Variants in CFAP161 observed in about 807,000 individuals in gnomAD.
CFAP161 encodes the protein cilia and flagella associated protein 161, also known as cilia- and flagella-associated protein 161.
Under a neutral mutation model 29.0 loss-of-function variants are expected in CFAP161, and 25 were observed. That is an observed-to-expected ratio of 0.86 (90% CI 0.63 to 1.20). The LOEUF (loss-of-function observed/expected upper bound fraction) is 1.20, where lower values mean the gene tolerates loss of function less well. Among genes scored for constraint, CFAP161 ranks in the 50% most tolerant of loss-of-function variants. The pLI is 0.00. For synonymous variants in CFAP161, 116 were observed against 137.4 expected (o/e 0.84, Z 1.09); for missense variants, 367 against 371.9 (o/e 0.99, Z 0.11).
At chr15:81,101,855 C>A (rs182465562) in intron 1 of CFAP161, among the ~76,000 whole-genome samples, 1 of 151,986 alleles carries the variant, frequency 6.6e-6, no homozygotes, top group Non-Finnish European at 1.5e-5. Context: ...GCAATGACAT[C>A]CCCCCAAACT....
Position 81,146,831 on chromosome 15 carries a change from A to AATATATATATAT in CFAP161, c.637-986_637-975dup, listed in dbSNP as rs3086710. On this transcript the variant is annotated intron_variant, in intron 5 of 6. Coordinates refer to ENST00000286732, the MANE Select transcript of CFAP161 (RefSeq NM_173528.4). ...TTTGCTCTTAAATAGGATAGCTACAAATATATATATATATATATATATATA... is the reference window on the plus strand; with the variant it reads ...TTTGCTCTTAAATAGGATAGCTACAAATATATATATATATATATATATATATATATATATATA... Among the ~76,000 whole-genome samples, 65 of 70,572 alleles carry AATATATATATAT rather than the reference A, an allele frequency of 9.2e-4. 1 individual carries two copies. Among genetic ancestry groups the AATATATATATAT allele is most frequent in the Non-Finnish European group, 1.5e-3 (43 of 28,026 alleles). 46.3% of individuals were successfully genotyped at this position (70,572 alleles called of 152,430 possible). A position where few individuals can be genotyped will look rare whatever the true frequency, so the allele number is the denominator to read the frequency against.
At chr15:81,114,943 G>A (rs576275728) in intron 1 of CFAP161, among the ~76,000 whole-genome samples, 6 of 152,250 alleles carry the variant, frequency 3.9e-5, no homozygotes, top group South Asian at 4.1e-4. Flanking sequence ...GATTACAGGC[G>A]CAAGGGTTTT....
intron 1 of CFAP161, 49 bp downstream of exon 1, chr15:81,134,447 A>C: frequency 6.5e-7 from 1 of 1,543,670 alleles, no homozygotes; most frequent in African/African-American, 1.4e-5. Flanking sequence ...GAACTCCCAG[A>C]CCCTGCTCTA....
At chr15:81,135,405 T>C in intron 2 of CFAP161, 46 bp downstream of exon 2, 3 of 1,301,464 alleles carry the variant, frequency 2.3e-6, no homozygotes, top group Middle Eastern at 2.1e-4. Flanking sequence ...AGGGTACATG[T>C]GCACAACGTG....
upstream of CFAP161, among the ~76,000 whole-genome samples, chr15:81,132,314 A>T (rs1894722528): frequency 6.6e-6 from 1 of 152,148 alleles, no homozygotes; most frequent in African/African-American, 2.4e-5. Flanking sequence ...AGGTAGTAGG[A>T]TGGCATATTT....
At chr15:81,133,217 ATATATATG>A (rs1398174913), upstream of CFAP161, among the ~76,000 whole-genome samples, 714 of 30,100 alleles carry the variant, frequency 0.024, 46 homozygotes, top group Middle Eastern at 0.091. Context: ...ATATATATAT[ATATATATG>A]TATTTTTTTT....
At chr15:81,115,235 C>T (rs1471939257) in intron 1 of CFAP161, among the ~76,000 whole-genome samples, 5 of 152,144 alleles carry the variant, frequency 3.3e-5, no homozygotes, top group African/African-American at 1.2e-4. Context: ...GCATTAGTGA[C>T]TCCATTTTGA....
At chr15:81,121,797 G>A (rs550292287) in intron 1 of CFAP161, among the ~76,000 whole-genome samples, 1 of 152,228 alleles carries the variant, frequency 6.6e-6, no homozygotes, top group South Asian at 2.1e-4. Flanking sequence ...TTGTTGCACA[G>A]ACTGTTTCAT....
At chr15:81,103,984 A>T (rs2141859268) in intron 1 of CFAP161, among the ~76,000 whole-genome samples, 1 of 146,222 alleles carries the variant, frequency 6.8e-6, no homozygotes. Flanking sequence ...GTGGTATGAG[A>T]GGTGAGGAAA....
At chr15:81,135,171 C>G in intron 1 of CFAP161, 99 bp from the exon 2 acceptor site, 1 of 675,536 alleles carries the variant, frequency 1.5e-6, no homozygotes, top group Non-Finnish European at 2.4e-6. Flanking sequence ...TTTTTGTACT[C>G]AAATTTTGCT....
chr15:81,105,121 ATACCTTTCTCCCCCC>A (rs1413444928), intron 1 of CFAP161, among the ~76,000 whole-genome samples: 1 of 10,002 alleles, frequency 1.0e-4, no homozygotes, highest in African/African-American at 2.4e-4. Flanking sequence ...TTTCTCCCCC[ATACCTTTCTCCCCCC>A]TCCCCTCCCT....
intron 1 of CFAP161, among the ~76,000 whole-genome samples, chr15:81,113,817 G>A (rs1284780330): frequency 6.6e-6 from 1 of 152,098 alleles, no homozygotes; most frequent in African/African-American, 2.4e-5. Context: ...CTTGGAGCTG[G>A]GTCAGTGGAG....
chr15:81,102,192 G>A (rs1354256886), intron 1 of CFAP161, among the ~76,000 whole-genome samples: 1 of 152,198 alleles, frequency 6.6e-6, no homozygotes, highest in Non-Finnish European at 1.5e-5. Context: ...CACACAAGGA[G>A]AGGATCAGGA....
chr15:81,118,127 G>T, intron 1 of CFAP161: 1 of 525,366 alleles, frequency 1.9e-6, no homozygotes, highest in Admixed American at 2.8e-5. Context: ...AAATGTGTGA[G>T]ATTTGGAAGT....
intron 2 of CFAP161, among the ~76,000 whole-genome samples, chr15:81,128,882 C>T (rs1207463240): frequency 6.6e-6 from 1 of 151,428 alleles, no homozygotes; most frequent in Non-Finnish European, 1.5e-5. Flanking sequence ...ATCGCTTGAA[C>T]CCAGGAGGCA....
intron 1 of CFAP161, among the ~76,000 whole-genome samples, chr15:81,122,428 T>C (rs1894585461): frequency 6.6e-6 from 1 of 152,114 alleles, no homozygotes. Context: ...AGATGGTATC[T>C]CATTGTGGTG....
rs900908275 is a variant in CFAP161 at position 81,138,112 on chromosome 15, A to G, written c.454A>G (p.Thr152Ala). 2 of 1,612,900 alleles carry G rather than the reference A, an allele frequency of 1.2e-6. No homozygotes were observed. Among genetic ancestry groups the G allele is most frequent in the African/African-American group, 1.3e-5 (1 of 75,028 alleles). Residue 152 changes from threonine to alanine, a missense_variant, in exon 4 of 7, where the codon ACA (threonine) becomes GCA (alanine). By Grantham distance (58) the Thr-to-Ala change is moderately conservative. Coordinates refer to ENST00000286732, the MANE Select transcript of CFAP161 (RefSeq NM_173528.4). ...TGGGCAGGACTTTTGCCTGGGGATA[A>G]CAGGAGGATTTGACAACAAAATGGT... Reference protein sequence around the residue: ...RYGQDFCLGITGGFDNKMLYL... With the variant: ...RYGQDFCLGIAGGFDNKMLYL...
At chr15:81,138,287 C>T (rs756721334) in intron 4 of CFAP161, 152 bp downstream of exon 4, 73 of 629,072 alleles carry the variant, frequency 1.2e-4, no homozygotes, top group Non-Finnish European at 2.0e-4. Flanking sequence ...TTTTCACAGG[C>T]AGTTTTGGGC....
At chr15:81,114,814 C>T (rs1385845068) in intron 1 of CFAP161, among the ~76,000 whole-genome samples, 1 of 152,160 alleles carries the variant, frequency 6.6e-6, no homozygotes, top group Non-Finnish European at 1.5e-5. Flanking sequence ...CAGGCACCCA[C>T]CACCACGCCC....
Sources: allele counts gnomAD v4.1 joint callset (sites outside exome capture counted in the v4.1 genomes callset), GRCh38; gene constraint gnomAD v4.1.1; transcripts MANE v1.5; gene names NCBI Gene and HGNC (gene_info 2026-07-23, HGNC 2026-07-21).